CADPS: variants seen among roughly 807,000 people sequenced by gnomAD.
CADPS encodes calcium dependent secretion activator.
A neutral mutation model predicts 167.3 loss-of-function variants in CADPS; 57 were observed. The observed-to-expected ratio is 0.34, with a 90% CI of 0.28 to 0.42. The LOEUF is 0.42. CADPS is among the 20% of genes least tolerant of loss of function. The pLI is 1.00. For synonymous variants in CADPS, 676 were observed against 635.3 expected, an observed-to-expected ratio of 1.06 and a Z score of -0.96; for missense variants, 1,414 against 1,738.1, an observed-to-expected ratio of 0.81 and a Z score of 3.32.
chr3:62,875,038 C>T lies in CADPS; in HGVS notation c.-9G>A. ...GACGAAGGGTCCAGCATAGTGGCGC[C>T]TGGGGAGCGGGGTCTCTGGAGCCCC... On this transcript the variant is annotated 5_prime_UTR_variant, in exon 1 of 30. Coordinates refer to ENST00000383710, the MANE Select transcript of CADPS (RefSeq NM_003716.4). 6.3e-7 allele frequency: 1 copy of T among 1,581,274 alleles called. No homozygotes were observed. Among genetic ancestry groups the T allele is most frequent in the Non-Finnish European group, 8.6e-7 (1 of 1,163,668 alleles).
chr3:62,736,871 G>T (rs575420432), intron 3 of CADPS, among the ~76,000 whole-genome samples: 2 of 152,198 alleles, frequency 1.3e-5, no homozygotes, highest in African/African-American at 4.8e-5. Context: ...GGGCACAGTG[G>T]CTCACGCCTG....
At chr3:62,475,816 C>CTGAT (rs985372612) in intron 23 of CADPS, among the ~76,000 whole-genome samples, 4 of 152,222 alleles carry the variant, frequency 2.6e-5, no homozygotes, top group South Asian at 4.1e-4. Flanking sequence ...GGTCCCTGTG[C>CTGAT]TGATCTTCTG....
chr3:62,533,104 T>C, intron 12 of CADPS, 46 bp from the exon 13 acceptor site: 1 of 1,557,158 alleles, frequency 6.4e-7, no homozygotes, highest in South Asian at 1.1e-5. Flanking sequence ...TACAGGTTGT[T>C]TTCTGGAGAG....
chr3:62,476,837 T>A (rs139001376), intron 23 of CADPS, among the ~76,000 whole-genome samples: 1 of 152,166 alleles, frequency 6.6e-6, no homozygotes, highest in Non-Finnish European at 1.5e-5. Context: ...CGCAAAAAGT[T>A]TTTTTATGGA....
chr3:62,549,917 G>C lies in CADPS; in HGVS notation c.1952C>G (p.Pro651Arg). ...TATTTACTTACAAAATTGAGAGATA[G>C]GGGCATCCAGCTGAGGTACATTTCC... ...KGGNVPQLDAPISQFYADRAQ... is the reference protein window; with the variant it reads ...KGGNVPQLDARISQFYADRAQ... Residue 651 changes from proline to arginine, a missense_variant, in exon 11 of 30, where the codon CCT becomes CGT. By Grantham distance (103) the Pro-to-Arg change is moderately radical (BLOSUM62 -2). Coordinates refer to ENST00000383710, the MANE Select transcript of CADPS (RefSeq NM_003716.4). 6.2e-7 allele frequency: 1 copy of C among 1,613,706 alleles called. No homozygotes were observed. Among genetic ancestry groups the C allele is most frequent in the Non-Finnish European group, 8.5e-7 (1 of 1,179,672 alleles).
chr3:62,590,004 C>T (rs375950305), intron 7 of CADPS, among the ~76,000 whole-genome samples: 9 of 152,126 alleles, frequency 5.9e-5, no homozygotes, highest in African/African-American at 2.2e-4. Context: ...GCCTGACCAA[C>T]ATGGTAAAAC....
rs1047046439 is a variant in CADPS, at chr3:62,491,538, CACACACACACACACACACAA to C, written c.2885-78_2885-59del. 27 of 687,372 alleles carry C rather than the reference CACACACACACACACACACAA, an allele frequency of 3.9e-5. No homozygotes were observed. In the African/African-American group the frequency reaches 5.5e-4, roughly 14 times the overall value. The allele number at this position is 687,372 out of a possible 1,614,324, so 42.6% of individuals were successfully genotyped here. ...CCACAGCTACTTTATCAACGTACAA[CACACACACACACACACACAA>C]ACACACACACACACACACACACACA... On this transcript the variant is annotated intron_variant, in intron 20 of 29. Transcript: ENST00000383710.
chr3:62,511,922 G>A (rs1050036489), intron 17 of CADPS, among the ~76,000 whole-genome samples: 2 of 152,136 alleles, frequency 1.3e-5, no homozygotes, highest in African/African-American at 4.8e-5. Context: ...ATAAATGACT[G>A]AATAAATATC....
intron 3 of CADPS, among the ~76,000 whole-genome samples, chr3:62,713,731 C>T (rs930962171): frequency 2.6e-5 from 4 of 152,242 alleles, no homozygotes; most frequent in East Asian, 1.9e-4. Context: ...TTTTGGGGCT[C>T]GCCTGCCCTG....
At chr3:62,866,875 C>A (rs900407786) in intron 1 of CADPS, among the ~76,000 whole-genome samples, 1 of 151,984 alleles carries the variant, frequency 6.6e-6, no homozygotes, top group Non-Finnish European at 1.5e-5. Flanking sequence ...GAAGTAAAGA[C>A]ATGGATAATG....
At chr3:62,851,770 G>A (rs1559926544) in intron 1 of CADPS, among the ~76,000 whole-genome samples, 1 of 149,698 alleles carries the variant, frequency 6.7e-6, no homozygotes, top group Non-Finnish European at 1.5e-5. Flanking sequence ...TGTTCTTCTC[G>A]AGGAGTATCT....
At chr3:62,820,246 C>T (rs1271383321) in intron 1 of CADPS, among the ~76,000 whole-genome samples, 1 of 152,082 alleles carries the variant, frequency 6.6e-6, no homozygotes, top group Non-Finnish European at 1.5e-5. Context: ...CAGGTGTATA[C>T]CATACAAGGT....
chr3:62,450,811 A>C (rs2057931171), intron 26 of CADPS, among the ~76,000 whole-genome samples: 1 of 152,164 alleles, frequency 6.6e-6, no homozygotes, highest in Non-Finnish European at 1.5e-5. Flanking sequence ...TGCTTGCTCC[A>C]TGATTTCTGC....
chr3:62,529,050 A>G (rs546114681), intron 13 of CADPS, among the ~76,000 whole-genome samples: 1 of 152,186 alleles, frequency 6.6e-6, no homozygotes, highest in Non-Finnish European at 1.5e-5. Flanking sequence ...AATCCCAGCT[A>G]CTCATGAGGC....
chr3:62,714,959 T>A lies in CADPS; in HGVS notation c.888+38482A>T, dbSNP rs182970685. On this transcript the variant is annotated intron_variant, in intron 3 of 29. Coordinates refer to ENST00000383710, the MANE Select transcript of CADPS (RefSeq NM_003716.4). ...AAATTTCCAGATATATACAAAAACA[T>A]GGAAATGTGACCATATTTGATAGCA... Among the ~76,000 whole-genome samples, 14 of 152,290 alleles carry A rather than the reference T, an allele frequency of 9.2e-5. No homozygotes were observed. The East Asian group carries it at 2.5e-3, about 27-fold the overall frequency.
Position 62,874,832 on chromosome 3 carries a change from G to A in CADPS, c.198C>T (p.Gly66=), listed in dbSNP as rs1419793257. The A allele has an allele frequency of 9.7e-7, 1 of 1,029,316 alleles. No homozygotes were observed. Among genetic ancestry groups the A allele is most frequent in the East Asian group, 6.8e-5 (1 of 14,788 alleles). 63.8% of individuals were successfully genotyped at this position (1,029,316 alleles called of 1,614,324 possible). Residue 66 remains glycine, a synonymous_variant, in exon 1 of 30, where the codon GGC becomes GGT. Coordinates refer to ENST00000383710, the MANE Select transcript of CADPS (RefSeq NM_003716.4). The surrounding 1 kb of genome is among the most constrained non-coding windows in gnomAD (Gnocchi z 7.1). ...CCCCGCCGCCGCTGCTCGCGCCGCTGCCCCCGCCGCCGCCTGCACCCACCC... is the reference window on the plus strand; with the variant it reads ...CCCCGCCGCCGCTGCTCGCGCCGCTACCCCCGCCGCCGCCTGCACCCACCC... ...GAGVGAGGGG[G]SGASSGGGAG... is the part of the protein sequence containing the mutation.
At chr3:62,492,939 A>G (rs1420611303) in intron 19 of CADPS, among the ~76,000 whole-genome samples, 1 of 152,234 alleles carries the variant, frequency 6.6e-6, no homozygotes, top group East Asian at 1.9e-4. Context: ...ATGTTTCCCT[A>G]CACATTGGAA....
intron 3 of CADPS, among the ~76,000 whole-genome samples, chr3:62,723,488 G>A (rs2076185000): frequency 6.6e-6 from 1 of 152,086 alleles, no homozygotes; most frequent in African/African-American, 2.4e-5. Context: ...ACATGAGCTA[G>A]ACTCTACTAT....
intron 3 of CADPS, among the ~76,000 whole-genome samples, chr3:62,698,665 T>TTCC (rs2080811113): frequency 6.6e-6 from 1 of 150,788 alleles, no homozygotes; most frequent in Non-Finnish European, 1.5e-5. Flanking sequence ...TCTTATTCTT[T>TTCC]TCCTCCTCCT....
Sources: allele counts gnomAD v4.1 joint callset (sites outside exome capture counted in the v4.1 genomes callset), GRCh38; gene constraint gnomAD v4.1.1; non-coding constraint Gnocchi (gnomAD v3.1); transcripts MANE v1.5; gene names NCBI Gene and HGNC (gene_info 2026-07-23, HGNC 2026-07-21).